HPD: variants seen among roughly 807,000 people sequenced by gnomAD.
HPD encodes 4-hydroxyphenylpyruvate dioxygenase, also known as 4-hydroxyphenylpyruvic acid oxidase.
In HPD, 35 loss-of-function variants were observed where a neutral mutation model predicts 56.9. The ratio of observed to expected loss-of-function variants is 0.62; its 90% CI spans 0.47 to 0.82. The LOEUF (loss-of-function observed/expected upper bound fraction) is 0.82. HPD is among the 40% of genes least tolerant of loss of function. The pLI is 0.00. For missense variants in HPD, 442 were observed against 506.8 expected, an observed-to-expected ratio of 0.87 and a Z score of 1.23; for synonymous variants, 186 against 200.2, an observed-to-expected ratio of 0.93 and a Z score of 0.60.
chr12:121,883,707 C>T, the HPD span, among the ~76,000 whole-genome samples: 6 of 133,116 alleles, frequency 4.5e-5, no homozygotes, highest in Admixed American at 8.2e-5. Context: ...TTGATAGAAA[C>T]TGGGTCTTGC....
At chr12:121,871,280 G>A in the HPD span, among the ~76,000 whole-genome samples, 1 of 151,826 alleles carries the variant, frequency 6.6e-6, no homozygotes, top group Non-Finnish European at 1.5e-5. Flanking sequence ...CGGGTGAATC[G>A]ATTGAGCCCA....
chr12:121,861,060 A>G (rs1878160242), upstream of HPD, among the ~76,000 whole-genome samples: 1 of 151,870 alleles, frequency 6.6e-6, no homozygotes, highest in Non-Finnish European at 1.5e-5. Context: ...ATTAGCCTGG[A>G]TGCAGTGGCT....
chr12:121,846,850 G>A lies in HPD; in HGVS notation c.831+12C>T, dbSNP rs1238015515. 2.5e-6 allele frequency: 4 copies of A among 1,613,488 alleles called. No homozygotes were observed. The East Asian group carries it at 6.7e-5, about 27-fold the overall frequency. ...ATGAGAGAGGAATTCGGACAGGGAA[G>A]GGGGTTCTAACCGCTGTGATGATGT... On this transcript the variant is annotated intron_variant, in intron 11 of 13. Coordinates refer to ENST00000289004, the MANE Select transcript of HPD (RefSeq NM_002150.3).
Position 121,843,723 on chromosome 12 carries a change from A to G in HPD, c.941T>C (p.Ile314Thr), listed in dbSNP as rs376100037. 172 of 1,614,076 alleles carry G rather than the reference A, an allele frequency of 1.1e-4. No individual in the cohort carries two copies. Among genetic ancestry groups the G allele is most frequent in the East Asian group, 3.3e-4 (15 of 44,882 alleles). Residue 314 changes from isoleucine to threonine, a missense_variant, in exon 12 of 14, where the codon ATT becomes ACT. Physicochemically the swap from Ile to Thr is moderately conservative, Grantham distance 89. Transcript: ENST00000289004. ...KTAKIKVKEN[I>T]DALEELKILV... Reference sequence around the variant, plus strand: ...CCTGGGCCTCACCTCCAGGGCATCAATGTTCTCCTTCACCTTGATCTTGGC... The same window carrying G: ...CCTGGGCCTCACCTCCAGGGCATCAGTGTTCTCCTTCACCTTGATCTTGGC...
upstream of HPD, among the ~76,000 whole-genome samples, chr12:121,863,105 C>T (rs1031007278): frequency 1.3e-5 from 2 of 152,072 alleles, no homozygotes; most frequent in African/African-American, 4.8e-5. Flanking sequence ...GCCTCAGTCT[C>T]CCAAGTAGTT....
At chr12:121,854,268 T>C (rs1877913661) in intron 7 of HPD, among the ~76,000 whole-genome samples, 1 of 152,100 alleles carries the variant, frequency 6.6e-6, no homozygotes, top group Non-Finnish European at 1.5e-5. Context: ...AAAAAAAATT[T>C]TTTTGAGGAA....
intron 7 of HPD, among the ~76,000 whole-genome samples, chr12:121,851,750 C>A (rs376606806): frequency 0.55 from 25,893 of 47,090 alleles, 7,939 homozygotes; most frequent in Middle Eastern, 0.62. Context: ...CGCTCTGTCG[C>A]CCAGGCTGGA....
At chr12:121,883,680 TTC>T in the HPD span, among the ~76,000 whole-genome samples, 2 of 122,240 alleles carry the variant, frequency 1.6e-5, no homozygotes, top group Non-Finnish European at 3.5e-5. Flanking sequence ...TTTTCCTTCT[TTC>T]TTTTTTTTTT....
rs753428608 is a variant in HPD at position 121,847,137 on chromosome 12, C to T, written c.674G>A (p.Arg225Gln). The change falls in exon 10 of 14, where the codon CGA (arginine) becomes CAA (glutamine). Residue 225 changes from arginine (R) to glutamine (Q), a missense_variant. Coordinates refer to ENST00000289004, the MANE Select transcript of HPD (RefSeq NM_002150.3). ...TTCATAGTTGGCCACCACAATGGATCGCAGAGAGCTATATTCCGTGTGCAC... is the reference window on the plus strand; with the variant it reads ...TTCATAGTTGGCCACCACAATGGATTGCAGAGAGCTATATTCCGTGTGCAC... The part of the protein sequence containing the change: ...TQVHTEYSSL[R>Q]SIVVANYEES... 3.7e-6 allele frequency: 6 copies of T among 1,614,024 alleles called. No homozygotes were observed. Among genetic ancestry groups the T allele is most frequent in the Admixed American group, 3.3e-5 (2 of 59,990 alleles).
At chr12:121,881,382 C>G in the HPD span, among the ~76,000 whole-genome samples, 1 of 152,128 alleles carries the variant, frequency 6.6e-6, no homozygotes, top group African/African-American at 2.4e-5. Context: ...GAGACCCTGG[C>G]AGGAAAGGAG....
chr12:121,866,381 TAA>T (rs11397109), upstream of HPD, among the ~76,000 whole-genome samples: 1 of 145,092 alleles, frequency 6.9e-6, no homozygotes. Flanking sequence ...ATGTTACGTT[TAA>T]AAAAAAAAAG....
At chr12:121,881,239 T>C in the HPD span, among the ~76,000 whole-genome samples, 22 of 152,346 alleles carry the variant, frequency 1.4e-4, no homozygotes, top group African/African-American at 5.3e-4. Flanking sequence ...TGATTTACTA[T>C]GTGGGTCTCT....
intron 7 of HPD, among the ~76,000 whole-genome samples, chr12:121,852,967 A>T (rs1327669636): frequency 6.6e-6 from 1 of 152,188 alleles, no homozygotes. Flanking sequence ...ATGAGGAGTC[A>T]TAGTTGAAGA....
chr12:121,878,619 G>A, the HPD span, among the ~76,000 whole-genome samples: 2 of 151,914 alleles, frequency 1.3e-5, no homozygotes. Context: ...AAAGTGTTGG[G>A]ATTACAGGCA....
chr12:121,849,191 T>C, intron 8 of HPD, 115 bp from the exon 9 acceptor site: 1 of 712,628 alleles, frequency 1.4e-6, no homozygotes, highest in South Asian at 1.5e-5. Flanking sequence ...GTTCTATTTT[T>C]TTGTAGAGAT....
intron 7 of HPD, among the ~76,000 whole-genome samples, chr12:121,850,161 C>T (rs900884048): frequency 2.6e-5 from 4 of 151,944 alleles, no homozygotes; most frequent in Admixed American, 2.6e-4. Context: ...GTGGCTTAGG[C>T]CTGTAATCCC....
chr12:121,840,106 A>T, intron 12 of HPD, 58 bp from the exon 13 acceptor site: 1 of 1,150,600 alleles, frequency 8.7e-7, no homozygotes, highest in Non-Finnish European at 1.3e-6. Flanking sequence ...ATCCTTGGAA[A>T]GTCCACAGGG....
At chr12:121,841,126 C>G (rs1045685887) in intron 12 of HPD, among the ~76,000 whole-genome samples, 1 of 151,082 alleles carries the variant, frequency 6.6e-6, no homozygotes, top group Non-Finnish European at 1.5e-5. Context: ...CGCTTGAACC[C>G]GGGAAGTGGA....
chr12:121,841,988 G>A (rs1180633425), intron 12 of HPD, among the ~76,000 whole-genome samples: 1 of 149,118 alleles, frequency 6.7e-6, no homozygotes, highest in East Asian at 2.1e-4. Flanking sequence ...TGGACTTTGT[G>A]ATTCCTTTTG....
Sources: gnomAD v4.1 joint callset for allele counts (sites outside exome capture counted in the v4.1 genomes callset) on GRCh38, gnomAD v4.1.1 for gene constraint, MANE v1.5 for transcripts, NCBI Gene and HGNC (gene_info 2026-07-23, HGNC 2026-07-21) for gene names.